The following PRUNE2 variants were observed in gnomAD, a reference collection of about 807,000 sequenced individuals.
PRUNE2 encodes prune homolog 2 with BCH domain.
A neutral mutation model predicts 252.0 loss-of-function variants in PRUNE2; 164 were observed. The ratio of observed to expected loss-of-function variants is 0.65; its 90% confidence interval spans 0.57 to 0.74. The LOEUF is 0.74. Among genes scored for constraint, PRUNE2 ranks in the 30% least tolerant of loss-of-function variants. The pLI is 0.00. For missense variants in PRUNE2, 3,495 were observed against 3,711.0 expected (o/e 0.94, Z 1.51); for synonymous variants, 1,292 against 1,350.2 (o/e 0.96, Z 0.94).
At chr9:76,761,649 G>GTCA (rs2130738742) in intron 6 of PRUNE2, among the ~76,000 whole-genome samples, 1 of 152,214 alleles carries the variant, frequency 6.6e-6, no homozygotes, top group Admixed American at 6.5e-5. Context: ...TCACTAGGTG[G>GTCA]CTCTGAATTT....
chr9:76,771,945 G>A (rs190488815), intron 6 of PRUNE2, among the ~76,000 whole-genome samples: 51 of 152,336 alleles, frequency 3.3e-4, no homozygotes, highest in Admixed American at 1.1e-3. Context: ...CACTAATGGC[G>A]TGGGACTCAG....
chr9:76,725,098 T>A (rs1465191962), intron 6 of PRUNE2, among the ~76,000 whole-genome samples: 1 of 152,248 alleles, frequency 6.6e-6, no homozygotes, highest in Non-Finnish European at 1.5e-5. Context: ...ACAGCTTTAT[T>A]TTCCTTTGTA....
intron 6 of PRUNE2, among the ~76,000 whole-genome samples, chr9:76,717,442 C>T (rs1427488076): frequency 1.3e-5 from 2 of 152,148 alleles, no homozygotes; most frequent in African/African-American, 4.8e-5. Context: ...AGCACTTCAT[C>T]ATCAACACAA....
chr9:76,899,126 G>A (rs1274211981), intron 1 of PRUNE2, among the ~76,000 whole-genome samples: 2 of 152,200 alleles, frequency 1.3e-5, no homozygotes, highest in African/African-American at 4.8e-5. Flanking sequence ...ACTAGGCTGG[G>A]CTGACTTGGT....
At chr9:76,619,285 C>T in intron 18 of PRUNE2, 55 bp downstream of exon 18, 3 of 1,191,978 alleles carry the variant, frequency 2.5e-6, no homozygotes, top group Non-Finnish European at 3.7e-6. Context: ...TTTCAGAGCC[C>T]AGCCATACAA....
intron 4 of PRUNE2, among the ~76,000 whole-genome samples, chr9:76,828,776 G>A (rs942458939): frequency 4.6e-5 from 7 of 152,098 alleles, no homozygotes; most frequent in Non-Finnish European, 8.8e-5. Flanking sequence ...AGCACTTTGG[G>A]AGGCCAAGGC....
At chr9:76,633,595 A>G (rs1838688332) in intron 15 of PRUNE2, among the ~76,000 whole-genome samples, 1 of 151,640 alleles carries the variant, frequency 6.6e-6, no homozygotes, top group African/African-American at 2.4e-5. Context: ...AAAAAAAAAA[A>G]GTTTCATCAG....
chr9:76,879,715 G>T (rs1026784790), intron 1 of PRUNE2, among the ~76,000 whole-genome samples: 1 of 151,272 alleles, frequency 6.6e-6, no homozygotes, highest in African/African-American at 2.4e-5. Flanking sequence ...AGTGCGGGAG[G>T]GTTTGTTGCA....
At chr9:76,788,454 T>C in intron 6 of PRUNE2, 1 of 746,120 alleles carries the variant, frequency 1.3e-6, no homozygotes, top group Non-Finnish European at 2.5e-6. Flanking sequence ...CAGGCATGCA[T>C]TTGGAGCCAG....
chr9:76,873,416 C>T (rs552625265), intron 1 of PRUNE2, among the ~76,000 whole-genome samples: 1 of 152,290 alleles, frequency 6.6e-6, no homozygotes, highest in African/African-American at 2.4e-5. Context: ...CCCGAGGAAA[C>T]CACCCAAAAG....
At position 76,789,245 on chromosome 9, in the gene PRUNE2, C is replaced by T. The variant is rs531128687; in HGVS notation, c.756+34387G>A. Among the ~76,000 whole-genome samples, 10 of 152,308 alleles carry T rather than the reference C, an allele frequency of 6.6e-5. No homozygotes were observed. In the South Asian group the frequency reaches 2.1e-3, roughly 32 times the overall value. ...ATAGTGTTTTACCTGTGACGATGGG[C>T]TTCATATCCACTGACCTTTCAAACA... On this transcript the variant is annotated intron_variant, in intron 6 of 18. Coordinates refer to ENST00000376718, the MANE Select transcript of PRUNE2 (RefSeq NM_015225.3).
intron 1 of PRUNE2, among the ~76,000 whole-genome samples, 187 bp from the exon 2 acceptor site, chr9:76,854,395 CACTCAA>C (rs2060129231): frequency 6.6e-6 from 1 of 152,188 alleles, no homozygotes; most frequent in African/African-American, 2.4e-5. Flanking sequence ...CTGAAATATT[CACTCAA>C]ACTCTAGTAA....
intron 1 of PRUNE2, among the ~76,000 whole-genome samples, chr9:76,877,029 T>C (rs1337329247): frequency 6.6e-6 from 1 of 152,160 alleles, no homozygotes; most frequent in Non-Finnish European, 1.5e-5. Flanking sequence ...TTGATCTAGA[T>C]ATATGTGTCT....
chr9:76,690,585 A>T (rs1369172640), intron 9 of PRUNE2, among the ~76,000 whole-genome samples: 1 of 152,208 alleles, frequency 6.6e-6, no homozygotes, highest in Non-Finnish European at 1.5e-5. Flanking sequence ...TGAGAAACCA[A>T]GTGGAATGTA....
chr9:76,706,156 G>T lies in PRUNE2; in HGVS notation c.6118C>A (p.Pro2040Thr). 1 of 1,613,962 alleles carries T rather than the reference G, an allele frequency of 6.2e-7. No individual in the cohort carries two copies. The highest frequency in any genetic ancestry group is 8.5e-7 in the Non-Finnish European group (1 of 1,179,878). Residue 2040 changes from proline to threonine, a missense_variant, in exon 8 of 19, where the codon CCA becomes ACA. By Grantham distance (38) the Pro-to-Thr change is conservative (BLOSUM62 -1). Transcript: ENST00000376718. ...AAGGTACCTCGGGAGTCCTCACTTG[G>T]GGTAGAGCCATCCCATTCAGAGCCT... Reference protein sequence around the residue: ...KPGSEWDGSTPSEDSRGTFVP... With the variant: ...KPGSEWDGSTTSEDSRGTFVP...
chr9:76,858,587 A>G (rs894256972), intron 1 of PRUNE2, among the ~76,000 whole-genome samples: 3 of 152,102 alleles, frequency 2.0e-5, no homozygotes, highest in Admixed American at 6.6e-5. Flanking sequence ...GGAGGGCAAC[A>G]TCACACACTG....
intron 9 of PRUNE2, among the ~76,000 whole-genome samples, chr9:76,661,346 G>T (rs938444649): frequency 6.6e-6 from 1 of 152,126 alleles, no homozygotes; most frequent in Admixed American, 6.6e-5. Context: ...GGGTTTAAGC[G>T]ATTCTCCTGC....
intron 6 of PRUNE2, among the ~76,000 whole-genome samples, chr9:76,740,860 A>C (rs554377891): frequency 3.5e-4 from 54 of 152,340 alleles, no homozygotes; most frequent in Non-Finnish European, 6.5e-4. Flanking sequence ...TTTTTTAAAT[A>C]ATCACAAATT....
chr9:76,733,378 G>GATTCATTCATTC (rs34956717), intron 6 of PRUNE2, among the ~76,000 whole-genome samples: 1 of 148,912 alleles, frequency 6.7e-6, no homozygotes, highest in African/African-American at 2.5e-5. Flanking sequence ...ATAAACCACA[G>GATTCATTCATTC]ATTCATTCAT....
Sources: gnomAD v4.1 joint callset for allele counts (sites outside exome capture counted in the v4.1 genomes callset) on GRCh38, gnomAD v4.1.1 for gene constraint, MANE v1.5 for transcripts, NCBI Gene and HGNC (gene_info 2026-07-23, HGNC 2026-07-21) for gene names.